Variants in ST18 observed in about 807,000 individuals in gnomAD.
The protein encoded by ST18 is ST18 C2H2C-type zinc finger transcription factor.
ST18 carries 50 observed loss-of-function variants against 110.0 expected under a neutral mutation model. The observed-to-expected ratio is 0.45, with a 90% CI of 0.36 to 0.58. The LOEUF is 0.58. ST18 is among the 20% of genes least tolerant of loss of function. The probability of loss-of-function intolerance (pLI) is 0.00; values close to 1 mark genes in which losing one functional copy is unlikely to be tolerated. For synonymous variants in ST18, 461 were observed against 452.4 expected (o/e 1.02, Z -0.24); for missense variants, 1,306 against 1,280.1 (o/e 1.02, Z -0.31).
chr8:52,341,863 G>T (rs952078847), intron 2 of ST18, among the ~76,000 whole-genome samples: 1 of 35,688 alleles, frequency 2.8e-5, no homozygotes, highest in African/African-American at 9.3e-5. Context: ...CCCAGGGGAG[G>T]GGACAGCTGG....
intron 22 of ST18, among the ~76,000 whole-genome samples, chr8:52,127,972 G>A (rs1479716132): frequency 7.4e-6 from 1 of 135,010 alleles, no homozygotes; most frequent in Admixed American, 6.8e-5. Context: ...GACATATTAA[G>A]GGATTTTTTT....
At chr8:52,216,728 G>A (rs1254621588) in intron 6 of ST18, among the ~76,000 whole-genome samples, 1 of 152,096 alleles carries the variant, frequency 6.6e-6, no homozygotes, top group African/African-American at 2.4e-5. Flanking sequence ...CCTTGTCTAT[G>A]GGAGTAGATA....
intron 25 of ST18, among the ~76,000 whole-genome samples, chr8:52,113,688 T>C (rs2041284934): frequency 6.6e-6 from 1 of 152,086 alleles, no homozygotes. Context: ...TGCCTCCTGT[T>C]TGTGGAAGGT....
chr8:52,289,052 G>T (rs1431277311), intron 2 of ST18, among the ~76,000 whole-genome samples: 1 of 152,192 alleles, frequency 6.6e-6, no homozygotes. Context: ...GCAATGAAAG[G>T]TAACTGAGCT....
At chr8:52,397,946 C>A (rs1564654552) in intron 2 of ST18, among the ~76,000 whole-genome samples, 1 of 151,850 alleles carries the variant, frequency 6.6e-6, no homozygotes, top group Non-Finnish European at 1.5e-5. Flanking sequence ...TGGTTTCACA[C>A]AAATTTTAGA....
At chr8:52,362,987 G>A (rs1037476293) in intron 2 of ST18, among the ~76,000 whole-genome samples, 8 of 152,112 alleles carry the variant, frequency 5.3e-5, no homozygotes, top group South Asian at 2.1e-4. Context: ...TGAGGTGGGC[G>A]GATCACGAGG....
chr8:52,262,402 G>C (rs1350962340), intron 2 of ST18, among the ~76,000 whole-genome samples: 2 of 152,164 alleles, frequency 1.3e-5, no homozygotes, highest in African/African-American at 2.4e-5. Context: ...GGAACTTCTA[G>C]TATGGCAGTA....
intron 17 of ST18, among the ~76,000 whole-genome samples, chr8:52,140,510 C>A (rs564545579): frequency 6.6e-6 from 1 of 150,890 alleles, no homozygotes; most frequent in South Asian, 2.1e-4. Flanking sequence ...GGCAACAGAG[C>A]GGGACCCCAT....
At chr8:52,298,093 C>G (rs1265002932) in intron 2 of ST18, among the ~76,000 whole-genome samples, 1 of 152,218 alleles carries the variant, frequency 6.6e-6, no homozygotes, top group Non-Finnish European at 1.5e-5. Flanking sequence ...ATGAGAGCTT[C>G]ATCAGAGTCC....
At chr8:52,277,682 A>C (rs1257188294) in intron 2 of ST18, among the ~76,000 whole-genome samples, 1 of 152,232 alleles carries the variant, frequency 6.6e-6, no homozygotes, top group African/African-American at 2.4e-5. Context: ...AAACAAACTT[A>C]GTAGATGCTT....
At chr8:52,405,238 C>T (rs560780672) in intron 2 of ST18, 14 of 152,268 alleles carry the variant, frequency 9.2e-5, no homozygotes, top group South Asian at 2.1e-4. Flanking sequence ...ATTTTTAAAA[C>T]GGTGATTTAG....
intron 19 of ST18, among the ~76,000 whole-genome samples, chr8:52,133,529 T>A (rs544567617): frequency 6.6e-6 from 1 of 152,188 alleles, no homozygotes; most frequent in Admixed American, 6.5e-5. Flanking sequence ...AATAATCAAT[T>A]TAAATATTTT....
intron 3 of ST18, among the ~76,000 whole-genome samples, chr8:52,222,459 C>T (rs922623969): frequency 1.3e-5 from 2 of 152,218 alleles, no homozygotes; most frequent in African/African-American, 4.8e-5. Flanking sequence ...TGCCGTGGCT[C>T]CCCTCCCTGG....
intron 2 of ST18, among the ~76,000 whole-genome samples, chr8:52,378,109 G>A (rs1464026763): frequency 6.6e-6 from 1 of 152,176 alleles, no homozygotes. Flanking sequence ...CAGAGACAGG[G>A]AGGGGAATAG....
chr8:52,251,457 T>A (rs887569658), intron 2 of ST18, among the ~76,000 whole-genome samples: 5 of 152,116 alleles, frequency 3.3e-5, no homozygotes, highest in African/African-American at 1.2e-4. Context: ...TAATTTCTAA[T>A]GCCTGGAGTT....
At chr8:52,232,274 A>C (rs1490905483) in intron 2 of ST18, among the ~76,000 whole-genome samples, 1 of 152,222 alleles carries the variant, frequency 6.6e-6, no homozygotes, top group East Asian at 1.9e-4. Context: ...CCTTCAGATG[A>C]AGCCATTCGT....
chr8:52,336,414 G>T (rs1214166791), intron 2 of ST18, among the ~76,000 whole-genome samples: 1 of 152,134 alleles, frequency 6.6e-6, no homozygotes. Context: ...GCCTCTCAAA[G>T]TGCTGGGATT....
chr8:52,327,745 A>G (rs889469114), intron 2 of ST18, among the ~76,000 whole-genome samples: 1 of 152,286 alleles, frequency 6.6e-6, no homozygotes, highest in Middle Eastern at 3.4e-3. Context: ...CCAGAATCCA[A>G]TCAAAGCTAA....
At chr8:52,264,640 G>A (rs2094809291) in intron 2 of ST18, among the ~76,000 whole-genome samples, 1 of 152,150 alleles carries the variant, frequency 6.6e-6, no homozygotes, top group South Asian at 2.1e-4. Context: ...TTCTGTCCTT[G>A]TGAACAAGAG....
Sources: allele counts gnomAD v4.1 joint callset (sites outside exome capture counted in the v4.1 genomes callset), GRCh38; gene constraint gnomAD v4.1.1; transcripts MANE v1.5; gene names NCBI Gene and HGNC (gene_info 2026-07-23, HGNC 2026-07-21).